The following WDHD1 variants were observed in gnomAD, a reference collection of about 807,000 sequenced individuals.
The protein encoded by WDHD1 is WD repeat and HMG-box DNA-binding protein 1.
In WDHD1, 111 loss-of-function variants were observed where a neutral mutation model predicts 135.4. The observed-to-expected ratio is 0.82, with a 90% CI of 0.70 to 0.96. WDHD1 has a LOEUF of 0.96. Among genes scored for constraint, WDHD1 ranks in the 40% least tolerant of loss-of-function variants. The pLI is 0.00. For missense variants in WDHD1, 1,351 were observed against 1,336.3 expected (o/e 1.01, Z -0.17); for synonymous variants, 434 against 439.0 (o/e 0.99, Z 0.14).
chr14:54,983,596 C>G (rs973497728), intron 15 of WDHD1, among the ~76,000 whole-genome samples: 5 of 152,052 alleles, frequency 3.3e-5, no homozygotes, highest in African/African-American at 1.2e-4. Context: ...TTGCTGGAAC[C>G]CGGAAGGCAG....
rs61741224 is a variant in WDHD1 at position 54,981,691 on chromosome 14, G to A, written c.1912C>T (p.Pro638Ser). ...ATTCCTTCTGAATCCACGTAACAAG[G>A]GGTACCTAAACACCAACAGAAAAAT... ...AWIGFSAEGTPCYVDSEGIVR... is the reference protein window; with the variant it reads ...AWIGFSAEGTSCYVDSEGIVR... The change falls in exon 16 of 26, where the codon CCT becomes TCT. Residue 638 changes from proline to serine, a missense_variant. Pro to Ser is a moderately conservative substitution (Grantham distance 74, BLOSUM62 -1). This residue lies in a region of WDHD1 where 1,330 missense variants were observed against 1,296.1 expected (regional missense o/e 1.03). Coordinates refer to ENST00000360586, the MANE Select transcript of WDHD1 (RefSeq NM_007086.4). 1 of 1,602,884 alleles carries A rather than the reference G, an allele frequency of 6.2e-7. No individual in the cohort carries two copies. The highest frequency in any genetic ancestry group is 8.5e-7 in the Non-Finnish European group (1 of 1,171,156).
At chr14:55,008,539 G>A (rs2042111286) in intron 5 of WDHD1, 69 bp downstream of exon 5, 9 of 1,485,614 alleles carry the variant, frequency 6.1e-6, no homozygotes, top group Middle Eastern at 2.1e-4. Flanking sequence ...ATTTTTTAGA[G>A]AGTTAGTAGG....
intron 11 of WDHD1, among the ~76,000 whole-genome samples, chr14:54,991,873 C>A (rs2041797596): frequency 6.6e-6 from 1 of 152,132 alleles, no homozygotes; most frequent in Non-Finnish European, 1.5e-5. Flanking sequence ...AGAATTGGAT[C>A]TTTGGCAAAC....
At chr14:55,015,904 G>A (rs1258156416) in intron 2 of WDHD1, among the ~76,000 whole-genome samples, 2 of 152,144 alleles carry the variant, frequency 1.3e-5, no homozygotes, top group Non-Finnish European at 2.9e-5. Flanking sequence ...CCACCATGTT[G>A]GCCAGGCTGG....
chr14:55,003,369 C>A (rs1040340948), intron 7 of WDHD1, among the ~76,000 whole-genome samples: 8 of 151,528 alleles, frequency 5.3e-5, no homozygotes, highest in African/African-American at 1.9e-4. Flanking sequence ...AATTAGCCAG[C>A]CATTGTGGGC....
At chr14:54,943,087 T>G (rs1595048822) in intron 25 of WDHD1, among the ~76,000 whole-genome samples, 1 of 152,340 alleles carries the variant, frequency 6.6e-6, no homozygotes, top group East Asian at 1.9e-4. Flanking sequence ...CGTTACTAGG[T>G]GCCTGTGCTG....
chr14:55,011,332 C>T (rs2042164996), intron 3 of WDHD1, among the ~76,000 whole-genome samples: 1 of 151,832 alleles, frequency 6.6e-6, no homozygotes, highest in African/African-American at 2.4e-5. Context: ...GAGTTCGAGA[C>T]CAGCCTAGCC....
chr14:54,952,572 G>A (rs2041077665), intron 24 of WDHD1, among the ~76,000 whole-genome samples: 1 of 152,192 alleles, frequency 6.6e-6, no homozygotes, highest in South Asian at 2.1e-4. Context: ...CCTGTCCAAG[G>A]CAATTTATAG....
intron 22 of WDHD1, 79 bp from the exon 23 acceptor site, chr14:54,957,283 T>C: frequency 6.8e-7 from 1 of 1,479,812 alleles, no homozygotes; most frequent in Non-Finnish European, 9.1e-7. Context: ...TTTCTTGAAA[T>C]TTCTGTTAAG....
intron 16 of WDHD1, among the ~76,000 whole-genome samples, chr14:54,970,150 G>A (rs1319971819): frequency 2.0e-5 from 3 of 152,252 alleles, no homozygotes; most frequent in Non-Finnish European, 2.9e-5. Context: ...AGACAAGGTT[G>A]GCCACTCTTT....
intron 4 of WDHD1, 25 bp downstream of exon 4, chr14:55,010,284 C>G: frequency 6.5e-7 from 1 of 1,538,924 alleles, no homozygotes; most frequent in Non-Finnish European, 8.8e-7. Context: ...ACATTATTTC[C>G]TTTTCTGATG....
chr14:55,001,103 G>T, intron 8 of WDHD1, 111 bp from the exon 9 acceptor site: 1 of 605,734 alleles, frequency 1.7e-6, no homozygotes, highest in Non-Finnish European at 2.5e-6. Context: ...ATTTGGAGGG[G>T]AATCAACCAA....
chr14:54,994,285 T>C (rs1003631877), intron 11 of WDHD1, among the ~76,000 whole-genome samples: 1 of 152,226 alleles, frequency 6.6e-6, no homozygotes, highest in Admixed American at 6.5e-5. Context: ...AAAATTCGTC[T>C]ATTTCATTTA....
chr14:55,012,736 C>A (rs779046378), intron 3 of WDHD1, among the ~76,000 whole-genome samples: 3 of 152,034 alleles, frequency 2.0e-5, no homozygotes, highest in Non-Finnish European at 4.4e-5. Flanking sequence ...AAAGAGAGGG[C>A]GAGAGGGAGA....
chr14:55,000,995 G>T lies in WDHD1; in HGVS notation c.694-3C>A. On this transcript the variant is annotated splice_polypyrimidine_tract_variant and splice_region_variant and intron_variant, in intron 8 of 25. Coordinates refer to ENST00000360586, the MANE Select transcript of WDHD1 (RefSeq NM_007086.4). Reference sequence around the variant, plus strand: ...GACCAGGTTACTATATTGAGGGTCTGTAAAGAAAAACAGTTAATAAATAAT... The same window carrying T: ...GACCAGGTTACTATATTGAGGGTCTTTAAAGAAAAACAGTTAATAAATAAT... 1 of 1,508,080 alleles carries T rather than the reference G, an allele frequency of 6.6e-7. No homozygotes were observed. Among genetic ancestry groups the T allele is most frequent in the Non-Finnish European group, 8.9e-7 (1 of 1,121,094 alleles). The allele number at this position is 1,508,080 out of a possible 1,614,324, so 93.4% of individuals were successfully genotyped here.
intron 16 of WDHD1, among the ~76,000 whole-genome samples, chr14:54,971,675 C>T (rs868537557): frequency 2.8e-5 from 4 of 143,436 alleles, no homozygotes; most frequent in East Asian, 2.0e-4. Flanking sequence ...ATCTCACCAC[C>T]GCACTGTAGC....
intron 18 of WDHD1, among the ~76,000 whole-genome samples, chr14:54,965,406 C>G (rs1366525319): frequency 6.6e-6 from 1 of 152,212 alleles, no homozygotes; most frequent in East Asian, 1.9e-4. Context: ...TTTCATCACA[C>G]ACAGCTGCCT....
At position 55,023,646 on chromosome 14, in the gene WDHD1, T is replaced by A. The variant is rs117894181; in HGVS notation, c.77+3065A>T. 3.0e-3 allele frequency among the ~76,000 whole-genome samples: 458 copies of A among 152,358 alleles called. 1 individual carries two copies. Among genetic ancestry groups the A allele is most frequent in the Non-Finnish European group, 5.4e-3 (364 of 68,028 alleles). On this transcript the variant is annotated intron_variant, in intron 2 of 25. Transcript: ENST00000360586. The stretch of plus-strand genomic sequence containing the variant: ...AAATATATGAGAATCACCAGAGATG[T>A]CTTTTTACTGGGATAGGCAATTTAC...
intron 2 of WDHD1, among the ~76,000 whole-genome samples, chr14:55,014,030 A>T (rs2042219868): frequency 6.6e-6 from 1 of 152,234 alleles, no homozygotes; most frequent in Admixed American, 6.5e-5. Flanking sequence ...ATACACTTAA[A>T]CTTTAAAAAT....
Sources: gnomAD v4.1 joint callset for allele counts (sites outside exome capture counted in the v4.1 genomes callset) on GRCh38, gnomAD v4.1.1 for gene constraint, gnomAD v4.1.1 regional missense constraint, MANE v1.5 for transcripts, NCBI Gene and HGNC (gene_info 2026-07-23, HGNC 2026-07-21) for gene names.